The following TASOR2 variants were observed in gnomAD, a reference collection of about 807,000 sequenced individuals.
TASOR2 encodes the protein transcription activation suppressor family member 2.
Under a neutral mutation model 199.5 loss-of-function variants are expected in TASOR2, and 84 were observed. The ratio of observed to expected loss-of-function variants is 0.42; its 90% CI spans 0.35 to 0.50. TASOR2 has a LOEUF of 0.50. Among genes scored for constraint, TASOR2 ranks in the 20% least tolerant of loss-of-function variants. The pLI is 0.02. For synonymous variants in TASOR2, 1,103 were observed against 1,046.6 expected (o/e 1.05, Z -1.04); for missense variants, 2,796 against 2,835.9 (o/e 0.99, Z 0.32).
chr10:5,747,183 G>T, exon 15 of TASOR2: 1 of 1,613,982 alleles, frequency 6.2e-7, no homozygotes, highest in Non-Finnish European at 8.5e-7. Context: ...ATTTGGAAGC[G>T]TTTGATTCAG....
intron 16 of TASOR2, among the ~76,000 whole-genome samples, 193 bp downstream of exon 17, chr10:5,756,931 A>G (rs1839047924): frequency 6.6e-6 from 1 of 152,238 alleles, no homozygotes. Context: ...TGGTTAAAAA[A>G]ATCATATTAA....
intron 2 of TASOR2, 121 bp downstream of exon 2, chr10:5,713,039 G>T (rs954085812): frequency 8.5e-6 from 4 of 468,558 alleles, no homozygotes; most frequent in Non-Finnish European, 1.4e-5. Context: ...TTAGTTTGGT[G>T]GCATGTAAAT....
At position 5,748,073 on chromosome 10, in the gene TASOR2, C is replaced by T. The variant is rs1325103185; in HGVS notation, c.4652C>T (p.Pro1551Leu). The T allele has an allele frequency of 6.2e-7, 1 of 1,614,184 alleles. No individual in the cohort carries two copies. Among genetic ancestry groups the T allele is most frequent in the Non-Finnish European group, 8.5e-7 (1 of 1,180,026 alleles). Residue 1551 changes from proline (P) to leucine (L), a missense_variant, in exon 15 of 21, where the codon CCA (proline) becomes CTA (leucine). Pro to Leu is a moderately conservative substitution (Grantham distance 98). This residue lies in a region of TASOR2 where 1,941 missense variants were observed against 1,924.9 expected (regional missense o/e 1.01). Coordinates refer to ENST00000328090, the Ensembl canonical transcript of TASOR2. The surrounding 1 kb of genome is among the most constrained non-coding windows in gnomAD (Gnocchi z 5.1). ...GAAAAACTGGTAAAATCAGGAAATC[C>T]ATTGCAGCCAGTTAGTATAGAGAAT...
chr10:5,751,724 G>A lies in TASOR2; in HGVS notation c.6606+1697G>A, dbSNP rs891674738. Among the ~76,000 whole-genome samples the A allele has an allele frequency of 1.1e-4, 17 of 152,148 alleles. No individual in the cohort carries two copies. Among genetic ancestry groups the A allele is most frequent in the African/African-American group, 4.1e-4 (17 of 41,428 alleles). ...AATGGCATTTAGAACCACCATCTAG[G>A]CACTGCGTGAATGAACTCAGTGTCA... On this transcript the variant is annotated intron_variant, in intron 15 of 20. Transcript: ENST00000328090. This position sits in a 1 kb window ranked among gnomAD's most constrained non-coding sequence, Gnocchi z 5.3.
At position 5,685,057 on chromosome 10, in the gene TASOR2, C is replaced by T. The variant is rs550281571; in HGVS notation, c.-406C>T. 2.0e-5 allele frequency: 8 copies of T among 398,070 alleles called. No homozygotes were observed. The South Asian group carries it at 1.0e-3, about 51-fold the overall frequency. 24.7% of individuals were successfully genotyped at this position (398,070 alleles called of 1,614,324 possible). A position where few individuals can be genotyped will look rare whatever the true frequency, so the allele number is the denominator to read the frequency against. ...AGCGCGGAGCCGGCGACTGGTGCTT[C>T]CCACGTGCGCCGGTGTCGCGAGGGC... On this transcript the variant is annotated 5_prime_UTR_variant, in exon 1 of 21. Coordinates refer to ENST00000328090, the Ensembl canonical transcript of TASOR2. The surrounding 1 kb of genome is among the most constrained non-coding windows in gnomAD (Gnocchi z 5.4).
chr10:5,727,669 G>T (rs1056676412), intron 10 of TASOR2, among the ~76,000 whole-genome samples: 1 of 152,116 alleles, frequency 6.6e-6, no homozygotes, highest in Non-Finnish European at 1.5e-5. Flanking sequence ...CTGGGAAGGA[G>T]GATGACTAAA....
In TASOR2 at chr10:5,748,151, G is replaced by A; in HGVS notation, c.4730G>A (p.Gly1577Asp). Residue 1577 changes from glycine (G) to aspartate (D), a missense_variant, in exon 15 of 21, where the codon GGT becomes GAT. By Grantham distance (94) the Gly-to-Asp change is moderately conservative. Coordinates refer to ENST00000328090, the Ensembl canonical transcript of TASOR2. This position sits in a 1 kb window ranked among gnomAD's most constrained non-coding sequence, Gnocchi z 5.1. ...TTGGAGTCCAGTGAACCTCCATTTG[G>A]TCCTAGAAATGTTATTGAAAATAAG... 1 of 1,614,190 alleles carries A rather than the reference G, an allele frequency of 6.2e-7. No homozygotes were observed. Among genetic ancestry groups the A allele is most frequent in the Non-Finnish European group, 8.5e-7 (1 of 1,180,038 alleles).
chr10:5,757,446 G>C, intron 16 of TASOR2, 74 bp from the exon 18 acceptor site: 2 of 1,430,090 alleles, frequency 1.4e-6, no homozygotes. Context: ...CTCTTGGATA[G>C]AAAAGCAAGG....
intron 16 of TASOR2, among the ~76,000 whole-genome samples, 156 bp downstream of exon 17, chr10:5,756,894 AT>A (rs1419672214): frequency 6.6e-6 from 1 of 152,202 alleles, no homozygotes. Flanking sequence ...GAATACTGCA[AT>A]ATTACCAAGT....
At chr10:5,747,435 T>C in exon 15 of TASOR2, 1 of 1,613,834 alleles carries the variant, frequency 6.2e-7, no homozygotes, top group Non-Finnish European at 8.5e-7. Context: ...GAGAAGTGAG[T>C]TCTGCTGACA....
chr10:5,746,715 C>T, exon 15 of TASOR2: 1 of 1,614,114 alleles, frequency 6.2e-7, no homozygotes, highest in Non-Finnish European at 8.5e-7. Context: ...CTGTATCCAC[C>T]TCGGAAAATG....
rs547679185 is a variant in TASOR2, at chr10:5,689,420, T to G, written c.-288+4245T>G. Among the ~76,000 whole-genome samples the G allele has an allele frequency of 9.2e-5, 14 of 152,230 alleles. No individual in the cohort carries two copies. The highest frequency in any genetic ancestry group is 1.9e-4 in the Non-Finnish European group (13 of 68,004). ...TTCAAGACCAGCCTGACCAATATGG[T>G]GAAACTCTGTCTCTACTAAAAATAC... On this transcript the variant is annotated intron_variant, in intron 1 of 20. Coordinates refer to ENST00000328090, the Ensembl canonical transcript of TASOR2. The surrounding 1 kb of genome is among the most constrained non-coding windows in gnomAD (Gnocchi z 4.1).
In TASOR2 at chr10:5,698,595, T is replaced by C. The variant is rs1357743473; in HGVS notation, c.-288+13420T>C. 6.6e-6 allele frequency among the ~76,000 whole-genome samples: 1 copy of C among 152,192 alleles called. No homozygotes were observed. The highest frequency in any genetic ancestry group is 1.5e-5 in the Non-Finnish European group (1 of 68,024). On this transcript the variant is annotated intron_variant, in intron 1 of 20. Transcript: ENST00000328090. This position sits in a 1 kb window ranked among gnomAD's most constrained non-coding sequence, Gnocchi z 4.4. ...TTATATGGGGACATGGTCATTCCTA[T>C]TTATGCATTTTCTATGGCTGTTTTT...
chr10:5,742,004 T>A lies in TASOR2; in HGVS notation c.2328-93T>A, dbSNP rs1486863022. Reference sequence around the variant, plus strand: ...AAATTTTAAAAATAAAAACAAAAACTAAGGAATATTGGAGGCACTTGCTTA... The same window carrying A: ...AAATTTTAAAAATAAAAACAAAAACAAAGGAATATTGGAGGCACTTGCTTA... On this transcript the variant is annotated intron_variant, in intron 13 of 20. Transcript: ENST00000328090. The surrounding 1 kb of genome is among the most constrained non-coding windows in gnomAD (Gnocchi z 4.2). 3.4e-6 allele frequency: 4 copies of A among 1,185,576 alleles called. No individual in the cohort carries two copies. Among genetic ancestry groups the A allele is most frequent in the African/African-American group, 1.6e-5 (1 of 64,366 alleles). 73.4% of individuals were successfully genotyped at this position (1,185,576 alleles called of 1,614,324 possible).
At position 5,756,757 on chromosome 10, in the gene TASOR2, A is replaced by T. The variant is rs879488479; in HGVS notation, c.6732+19A>T. On this transcript the variant is annotated intron_variant, in intron 16 of 20. Transcript: ENST00000328090. ...GCATCAGGTCGGTTGGAAATACCTT[A>T]CAAAGAAACGTATTCCAGGCACATA... 1 of 1,608,642 alleles carries T rather than the reference A, an allele frequency of 6.2e-7. No homozygotes were observed. Among genetic ancestry groups the T allele is most frequent in the Non-Finnish European group, 8.5e-7 (1 of 1,177,976 alleles).
exon 21 of TASOR2, chr10:5,763,069 T>TA (rs781563976): frequency 1.4e-5 from 23 of 1,605,306 alleles, no homozygotes; most frequent in East Asian, 2.2e-5. Flanking sequence ...ATGATGCCAA[T>TA]AAAAAATTAG....
At chr10:5,729,289 A>G (rs1261442476) in intron 10 of TASOR2, among the ~76,000 whole-genome samples, 1 of 152,224 alleles carries the variant, frequency 6.6e-6, no homozygotes, top group African/African-American at 2.4e-5. Flanking sequence ...CGGAGGTTGC[A>G]GTGAGATGAG....
At chr10:5,721,217 TC>T (rs1211943201) in intron 6 of TASOR2, among the ~76,000 whole-genome samples, 1 of 152,168 alleles carries the variant, frequency 6.6e-6, no homozygotes, top group Non-Finnish European at 1.5e-5. Flanking sequence ...AATTTGACCT[TC>T]CCCAAGAAAT....
Position 5,742,670 on chromosome 10 carries a change from A to C in TASOR2, c.2757+144A>C. 1.3e-6 allele frequency: 1 copy of C among 764,322 alleles called. No individual in the cohort carries two copies. Among genetic ancestry groups the C allele is most frequent in the Non-Finnish European group, 2.0e-6 (1 of 493,162 alleles). 47.3% of individuals were successfully genotyped at this position (764,322 alleles called of 1,614,324 possible). ...TATGTAAAGAACTATTACACCAAAA[A>C]CCTAGTTTTCATGAAGTGTCCTTGA... On this transcript the variant is annotated intron_variant, in intron 14 of 20. Coordinates refer to ENST00000328090, the Ensembl canonical transcript of TASOR2. This position sits in a 1 kb window ranked among gnomAD's most constrained non-coding sequence, Gnocchi z 4.2.
Sources: allele counts gnomAD v4.1 joint callset (sites outside exome capture counted in the v4.1 genomes callset), GRCh38; gene constraint gnomAD v4.1.1; regional missense constraint gnomAD v4.1.1; non-coding constraint Gnocchi (gnomAD v3.1); transcripts MANE v1.5; gene names NCBI Gene and HGNC (gene_info 2026-07-23, HGNC 2026-07-21).